The following RGS1 variants were observed in gnomAD, a reference collection of about 807,000 sequenced individuals.
RGS1 encodes regulator of G protein signaling 1, also known as B-cell activation protein BL34.
In RGS1, 11 loss-of-function variants were observed where a neutral mutation model predicts 22.2. The ratio of observed to expected loss-of-function variants is 0.50; its 90% CI spans 0.31 to 0.82. RGS1 has a LOEUF of 0.82. RGS1 is among the 40% of genes least tolerant of loss of function. The probability of loss-of-function intolerance (pLI) is 0.04; values close to 1 mark genes in which losing one functional copy is unlikely to be tolerated. For missense variants in RGS1, 255 were observed against 245.8 expected (o/e 1.04, Z -0.25); for synonymous variants, 81 against 79.9 (o/e 1.01, Z -0.07).
chr1:192,577,513 A>G (rs1042679760), intron 3 of RGS1: 4 of 152,204 alleles, frequency 2.6e-5, no homozygotes. Flanking sequence ...TTCTACTGAG[A>G]TTAGGACCTT....
At chr1:192,576,043 G>A in intron 1 of RGS1, 114 bp downstream of exon 1, 1 of 1,234,252 alleles carries the variant, frequency 8.1e-7, no homozygotes, top group Non-Finnish European at 1.1e-6. Flanking sequence ...GATCAGAGGA[G>A]TTAATTGCCT....
chr1:192,576,601 T>G, intron 2 of RGS1, 173 bp from the exon 3 acceptor site: 3 of 688,012 alleles, frequency 4.4e-6, no homozygotes, highest in Non-Finnish European at 6.9e-6. Flanking sequence ...GTTTTTTTTT[T>G]CATAACTATA....
At chr1:192,577,913 A>G in intron 3 of RGS1, 1 of 301,946 alleles carries the variant, frequency 3.3e-6, no homozygotes, top group Non-Finnish European at 6.1e-6. Flanking sequence ...AGATGGTTTT[A>G]TATTCAGTGG....
intron 2 of RGS1, 41 bp from the exon 3 acceptor site, chr1:192,576,733 T>C (rs1373481578): frequency 6.4e-7 from 1 of 1,554,732 alleles, no homozygotes; most frequent in Non-Finnish European, 8.8e-7. Context: ...GTGCTTACAT[T>C]TTAAAAATTG....
At chr1:192,578,967 T>C (rs561769177) in intron 4 of RGS1, 170 bp from the exon 5 acceptor site, 5 of 597,952 alleles carry the variant, frequency 8.4e-6, no homozygotes, top group Non-Finnish European at 1.4e-5. Flanking sequence ...ATATTTCTTA[T>C]CTCCTTCACA....
Position 192,579,677 on chromosome 1 carries a change from T to G in RGS1, c.*355T>G, listed in dbSNP as rs879352690. 1.1e-4 allele frequency: 20 copies of G among 189,056 alleles called. No individual in the cohort carries two copies. Among genetic ancestry groups the G allele is most frequent in the Admixed American group, 7.2e-4 (12 of 16,776 alleles). The allele number at this position is 189,056 out of a possible 1,614,324, so 11.7% of individuals were successfully genotyped here. A position where few individuals can be genotyped will look rare whatever the true frequency, so the allele number is the denominator to read the frequency against. On this transcript the variant is annotated 3_prime_UTR_variant, in exon 5 of 5. Transcript: ENST00000367459. ...TTACAACAGACTGTAAGAATCAAAG[T>G]CAACTGACATCTATGCTACATATTA... is the stretch of plus-strand genomic sequence containing the variant.
In RGS1 at chr1:192,576,361, G is replaced by A; in HGVS notation, c.214G>A (p.Asp72Asn). The A allele has an allele frequency of 6.2e-7, 1 of 1,602,914 alleles. No individual in the cohort carries two copies. The highest frequency in any genetic ancestry group is 8.5e-7 in the Non-Finnish European group (1 of 1,170,446). ...ESGMKSSKSK[D>N]VLSAAEVMQW... ...TGGAATGAAATCTTCCAAGTCCAAGGATGTGTAAGTACACTAATACACTAA... is the reference window on the plus strand; with the variant it reads ...TGGAATGAAATCTTCCAAGTCCAAGAATGTGTAAGTACACTAATACACTAA... Residue 72 changes from aspartate (D) to asparagine (N), a missense_variant, in exon 2 of 5, where the codon GAT becomes AAT. Asp to Asn is a conservative substitution (Grantham distance 23). Coordinates refer to ENST00000367459, the MANE Select transcript of RGS1 (RefSeq NM_002922.4).
chr1:192,578,690 T>C, intron 4 of RGS1: 1 of 460,410 alleles, frequency 2.2e-6, no homozygotes, highest in Middle Eastern at 5.6e-4. Context: ...AGTGCTCTTG[T>C]TTTGGATAAG....
chr1:192,576,052 C>A, intron 1 of RGS1, 123 bp downstream of exon 1: 1 of 1,129,304 alleles, frequency 8.9e-7, no homozygotes. Context: ...AGTTAATTGC[C>A]TGTTGTGAGT....
At chr1:192,578,612 G>C in intron 4 of RGS1, 1 of 597,908 alleles carries the variant, frequency 1.7e-6, no homozygotes, top group Admixed American at 3.3e-5. Flanking sequence ...CAGCTGCCAT[G>C]ATGAGGGTGA....
In RGS1 at chr1:192,575,775, A is replaced by T; in HGVS notation, c.-18A>T. On this transcript the variant is annotated 5_prime_UTR_variant, in exon 1 of 5. Coordinates refer to ENST00000367459, the MANE Select transcript of RGS1 (RefSeq NM_002922.4). ...AAGCAGCAGAGACGTTGACTAGCGC[A>T]TATTTGCTAAGAGCACCATGCGCGC... The T allele has an allele frequency of 6.2e-7, 1 of 1,612,812 alleles. No homozygotes were observed. Among genetic ancestry groups the T allele is most frequent in the Non-Finnish European group, 8.5e-7 (1 of 1,179,132 alleles).
Position 192,579,299 on chromosome 1 carries a change from C to G in RGS1, c.607C>G (p.Leu203Val). The change falls in exon 5 of 5, where the codon CTG becomes GTG. Residue 203 changes from leucine (L) to valine (V), a missense_variant. Leu to Val is a conservative substitution (Grantham distance 32, BLOSUM62 1). Transcript: ENST00000367459. ...SDIYLNLLND[L>V]QANSLK is the part of the protein sequence containing the mutation. Reference sequence around the variant, plus strand: ...TATTTACTTAAATCTTCTAAATGACCTGCAGGCTAATAGCCTAAAGTGACT... The same window carrying G: ...TATTTACTTAAATCTTCTAAATGACGTGCAGGCTAATAGCCTAAAGTGACT... The G allele has an allele frequency of 6.2e-7, 1 of 1,612,730 alleles. No homozygotes were observed. Among genetic ancestry groups the G allele is most frequent in the Non-Finnish European group, 8.5e-7 (1 of 1,179,198 alleles).
chr1:192,579,011 A>C, intron 4 of RGS1, 126 bp from the exon 5 acceptor site: 1 of 846,306 alleles, frequency 1.2e-6, no homozygotes, highest in Non-Finnish European at 1.8e-6. Flanking sequence ...AAGGCATTTA[A>C]GAGATATTTG....
At position 192,578,405 on chromosome 1, in the gene RGS1, T is replaced by C. The variant is rs1662101294; in HGVS notation, c.444+20T>C. 6.2e-7 allele frequency: 1 copy of C among 1,610,140 alleles called. No individual in the cohort carries two copies. The highest frequency in any genetic ancestry group is 1.1e-5 in the South Asian group (1 of 90,836). ...AAACAAGTGAGTATTAAGCTTATCA[T>C]CATCAGTTTCTCCATAAAAGACCCT... On this transcript the variant is annotated intron_variant, in intron 4 of 4. Transcript: ENST00000367459.
intron 3 of RGS1, 109 bp downstream of exon 3, chr1:192,576,944 C>CT (rs1662072117): frequency 1.1e-6 from 1 of 923,562 alleles, no homozygotes; most frequent in Non-Finnish European, 1.6e-6. Flanking sequence ...AGGTTGTATT[C>CT]TAGTTTGTCT....
intron 1 of RGS1, 40 bp downstream of exon 1, chr1:192,575,969 G>A (rs7535818): frequency 0.78 from 1,253,204 of 1,606,888 alleles, 500,373 homozygotes; most frequent in South Asian, 0.86. Context: ...ATTTTAACAA[G>A]TTATCTTTAA....
rs1571549983 is a variant in RGS1, at chr1:192,579,355, T to C, written c.*33T>C. The C allele has an allele frequency of 1.2e-6, 2 of 1,602,424 alleles. No individual in the cohort carries two copies. The highest frequency in any genetic ancestry group is 1.3e-5 in the African/African-American group (1 of 74,268). On this transcript the variant is annotated 3_prime_UTR_variant, in exon 5 of 5. Transcript: ENST00000367459. ...CTGGCTGAAGGGAATTAACAGATAG[T>C]ATCAAGCGCAGAAGGAATGTGCCAG... is the stretch of plus-strand genomic sequence containing the variant.
chr1:192,579,223 C>T lies in RGS1; in HGVS notation c.531C>T (p.Val177=), dbSNP rs767577034. ...TPTCFDEAQK[V]IYTLMEKDSY... is the part of the protein sequence containing the mutation. ...CGTGTTTTGATGAAGCACAAAAAGT[C>T]ATATATACTCTTATGGAAAAGGACT... The change falls in exon 5 of 5, where the codon GTC becomes GTT. Residue 177 remains valine, a synonymous_variant. Transcript: ENST00000367459. 1.9e-6 allele frequency: 3 copies of T among 1,613,106 alleles called. No individual in the cohort carries two copies. Among genetic ancestry groups the T allele is most frequent in the South Asian group, 2.2e-5 (2 of 91,056 alleles).
chr1:192,578,015 C>A (rs78415334), intron 3 of RGS1: 2 of 580,686 alleles, frequency 3.4e-6, no homozygotes, highest in Non-Finnish European at 5.7e-6. Context: ...TTTGTCTGGC[C>A]CCAGATTCCT....
Sources: allele counts gnomAD v4.1 joint callset, GRCh38; gene constraint gnomAD v4.1.1; transcripts MANE v1.5; gene names NCBI Gene and HGNC (gene_info 2026-07-23, HGNC 2026-07-21).